The following R3HDM2 variants were observed in gnomAD, a reference collection of about 807,000 sequenced individuals.
R3HDM2 encodes R3H domain containing 2.
In R3HDM2, 38 loss-of-function variants were observed where a neutral mutation model predicts 124.5. The ratio of observed to expected loss-of-function variants is 0.31; its 90% CI spans 0.24 to 0.40. The LOEUF is 0.40. R3HDM2 is among the 10% of genes least tolerant of loss of function. R3HDM2 has a pLI of 1.00. For missense variants in R3HDM2, 869 were observed against 1,236.9 expected (o/e 0.70, Z 4.46); for synonymous variants, 391 against 448.0 (o/e 0.87, Z 1.61).
intron 2 of R3HDM2, among the ~76,000 whole-genome samples, chr12:57,383,292 C>G (rs1421417394): frequency 6.6e-6 from 1 of 152,018 alleles, no homozygotes; most frequent in Non-Finnish European, 1.5e-5. Flanking sequence ...TGCACTCCAA[C>G]CTGGAGTGAG....
intron 1 of R3HDM2, among the ~76,000 whole-genome samples, chr12:57,404,874 C>A (rs1004437347): frequency 6.6e-6 from 1 of 151,144 alleles, no homozygotes; most frequent in African/African-American, 2.4e-5. Context: ...ACAGATTTTA[C>A]AAAAAAATAA....
intron 1 of R3HDM2, among the ~76,000 whole-genome samples, chr12:57,419,536 G>A (rs1471187627): frequency 6.6e-6 from 1 of 151,602 alleles, no homozygotes; most frequent in Non-Finnish European, 1.5e-5. Flanking sequence ...CAAACTCCTG[G>A]GCTCAAGTGA....
Position 57,266,755 on chromosome 12 carries a change from G to A in R3HDM2, c.2107C>T (p.Pro703Ser). 1.2e-6 allele frequency: 2 copies of A among 1,604,296 alleles called. No individual in the cohort carries two copies. Among genetic ancestry groups the A allele is most frequent in the South Asian group, 2.2e-5 (2 of 90,866 alleles). The part of the protein sequence containing the change: ...MPQSPSPCSP[P>S]QMPQQYSGVS... ...CCTGAGTACTGCTGTGGCATCTGTGGTGGACTGCAGGGAGAGGGAGACTGA... is the reference window on the plus strand; with the variant it reads ...CCTGAGTACTGCTGTGGCATCTGTGATGGACTGCAGGGAGAGGGAGACTGA... Residue 703 changes from proline to serine, a missense_variant, in exon 19 of 24, where the codon CCA (proline) becomes TCA (serine). Coordinates refer to ENST00000402412, the MANE Select transcript of R3HDM2 (RefSeq NM_001394031.1).
chr12:57,269,208 C>A, intron 16 of R3HDM2, 115 bp downstream of exon 16: 1 of 1,545,794 alleles, frequency 6.5e-7, no homozygotes, highest in African/African-American at 1.4e-5. Flanking sequence ...GTTCTTAGGA[C>A]CCTAATCATT....
intron 12 of R3HDM2, among the ~76,000 whole-genome samples, chr12:57,285,446 AGTGT>A (rs34223001): frequency 5.5e-4 from 81 of 147,664 alleles, no homozygotes; most frequent in East Asian, 9.9e-4. Context: ...AGAGAGAGAG[AGTGT>A]GTGTGTGTGT....
At chr12:57,348,707 A>G (rs2060312269) in intron 2 of R3HDM2, among the ~76,000 whole-genome samples, 1 of 45,804 alleles carries the variant, frequency 2.2e-5, no homozygotes, top group East Asian at 1.7e-3. Context: ...AAAAAAAAAA[A>G]AAAAAAAAAA....
intron 19 of R3HDM2, among the ~76,000 whole-genome samples, chr12:57,265,173 T>G (rs770174850): frequency 5.3e-5 from 8 of 152,108 alleles, no homozygotes; most frequent in Non-Finnish European, 1.0e-4. Context: ...AAAAAAGTGT[T>G]GAAAATGTGT....
At chr12:57,346,228 G>A (rs1158009204) in intron 2 of R3HDM2, among the ~76,000 whole-genome samples, 1 of 150,858 alleles carries the variant, frequency 6.6e-6, no homozygotes, top group Non-Finnish European at 1.5e-5. Context: ...AGGCCGAAGC[G>A]AGTGGATCAC....
intron 2 of R3HDM2, among the ~76,000 whole-genome samples, chr12:57,360,047 A>T (rs1319146584): frequency 3.3e-4 from 37 of 113,350 alleles, no homozygotes; most frequent in East Asian, 2.8e-3. Context: ...ATATATATAT[A>T]TTTTTTTTTT....
At chr12:57,355,360 G>A (rs939669428) in intron 2 of R3HDM2, among the ~76,000 whole-genome samples, 6 of 150,778 alleles carry the variant, frequency 4.0e-5, no homozygotes, top group African/African-American at 1.2e-4. Context: ...TCGGGAGGCT[G>A]AGGCAGGAGA....
chr12:57,322,422 T>C (rs1418443068), intron 2 of R3HDM2, among the ~76,000 whole-genome samples: 2 of 152,168 alleles, frequency 1.3e-5, no homozygotes, highest in African/African-American at 4.8e-5. Context: ...CTTCCATTCT[T>C]TGACATTGGG....
Position 57,268,494 on chromosome 12 carries a change from A to G in R3HDM2, c.1876-37T>C, listed in dbSNP as rs369946630. The G allele has an allele frequency of 2.8e-5, 45 of 1,608,586 alleles. No individual in the cohort carries two copies. In the Middle Eastern group the frequency reaches 8.3e-4, roughly 30 times the overall value. On this transcript the variant is annotated intron_variant, in intron 17 of 23. Coordinates refer to ENST00000402412, the MANE Select transcript of R3HDM2 (RefSeq NM_001394031.1). The stretch of plus-strand genomic sequence containing the variant: ...AGAGAAGAGAAAGAATCACATTCGC[A>G]TTCACATTGAGCTCATGCAGAAACA...
chr12:57,375,443 G>A (rs2063919135), intron 2 of R3HDM2, among the ~76,000 whole-genome samples: 1 of 152,098 alleles, frequency 6.6e-6, no homozygotes. Context: ...ATATGCTCCT[G>A]CCTCACCTAT....
At chr12:57,424,157 A>T (rs2139640065) in intron 1 of R3HDM2, among the ~76,000 whole-genome samples, 1 of 149,594 alleles carries the variant, frequency 6.7e-6, no homozygotes, top group South Asian at 2.1e-4. Context: ...AGAAACTGTA[A>T]GTGAACACTT....
At chr12:57,428,603 C>T (rs980540852) in intron 1 of R3HDM2, among the ~76,000 whole-genome samples, 14 of 151,792 alleles carry the variant, frequency 9.2e-5, no homozygotes, top group Non-Finnish European at 1.8e-4. Context: ...TGCAGTGAGC[C>T]GAGATTGCAC....
chr12:57,279,779 T>C (rs2045721719), intron 14 of R3HDM2, among the ~76,000 whole-genome samples: 1 of 152,074 alleles, frequency 6.6e-6, no homozygotes, highest in Non-Finnish European at 1.5e-5. Context: ...TCACTTAAAC[T>C]CTAGTTGGTA....
At chr12:57,428,344 T>A (rs1010671152) in intron 1 of R3HDM2, among the ~76,000 whole-genome samples, 1 of 151,956 alleles carries the variant, frequency 6.6e-6, no homozygotes, top group African/African-American at 2.4e-5. Context: ...AAGCTAAGAT[T>A]GGTTTGGCTG....
At chr12:57,418,426 T>C (rs576774508) in intron 1 of R3HDM2, 1 of 705,100 alleles carries the variant, frequency 1.4e-6, no homozygotes, top group African/African-American at 1.9e-5. Context: ...TCTTTGTCCT[T>C]GTACAACTAA....
chr12:57,425,893 C>T (rs917468208), intron 1 of R3HDM2, among the ~76,000 whole-genome samples: 5 of 151,970 alleles, frequency 3.3e-5, no homozygotes, highest in Non-Finnish European at 5.9e-5. Flanking sequence ...TTACTCTAGC[C>T]GGAAGATCAA....
Sources: allele counts gnomAD v4.1 joint callset (sites outside exome capture counted in the v4.1 genomes callset), GRCh38; gene constraint gnomAD v4.1.1; transcripts MANE v1.5; gene names NCBI Gene and HGNC (gene_info 2026-07-23, HGNC 2026-07-21).